The following TLR3 variants were observed in gnomAD, a reference collection of about 807,000 sequenced individuals.
TLR3 encodes the protein toll like receptor 3.
A neutral mutation model predicts 66.4 loss-of-function variants in TLR3; 43 were observed. That is an observed-to-expected ratio of 0.65 (90% confidence interval 0.51 to 0.83). TLR3 has a LOEUF of 0.83. Among genes scored for constraint, TLR3 ranks in the 40% least tolerant of loss-of-function variants. The pLI is 0.00. For synonymous variants in TLR3, 397 were observed against 397.2 expected (o/e 1.00, Z 0.01); for missense variants, 982 against 1,044.6 (o/e 0.94, Z 0.83).
rs1468629950 is a variant in TLR3 at position 186,084,777 on chromosome 4, TCA to T, written c.2621_2622del (p.His874LeufsTer18). ...LCLRRGMFKS[H>X]CILNWPVQKE... ...GTTTGCGAAGAGGAATGTTTAAATC[TCA>T]CTGCATCTTGAACTGGCCAGTTCAG... On this transcript the variant is annotated frameshift_variant, in exon 5 of 5. Transcript: ENST00000296795. LOFTEE classifies it high-confidence loss of function. The T allele has an allele frequency of 1.2e-6, 2 of 1,614,118 alleles. No individual in the cohort carries two copies. The highest frequency in any genetic ancestry group is 2.2e-5 in the South Asian group (2 of 91,072).
intron 3 of TLR3, 52 bp downstream of exon 3, chr4:186,079,083 CCTAT>C: frequency 6.8e-7 from 1 of 1,467,404 alleles, no homozygotes; most frequent in Non-Finnish European, 9.4e-7. Flanking sequence ...GTGGATAGTC[CCTAT>C]CTGTGTCACA....
Position 186,076,862 on chromosome 4 carries a change from T to G in TLR3, c.243T>G (p.Asp81Glu). Residue 81 changes from aspartate to glutamate, a missense_variant, in exon 2 of 5, where the codon GAT becomes GAG. Physicochemically the swap from Asp to Glu is conservative, Grantham distance 45. Around this residue, in one of 3 missense-constraint regions of TLR3, gnomAD observed 313 missense variants for 319.0 expected, o/e 0.98. Transcript: ENST00000296795. ...GGTATAGCCAGCTAACTAGCTTGGATGTAGGATTTAACACCATCTCAAAAC... is the reference window on the plus strand; with the variant it reads ...GGTATAGCCAGCTAACTAGCTTGGAGGTAGGATTTAACACCATCTCAAAAC... Reference protein sequence around the residue: ...FTRYSQLTSLDVGFNTISKLE... With the variant: ...FTRYSQLTSLEVGFNTISKLE... The G allele has an allele frequency of 6.2e-7, 1 of 1,614,170 alleles. No homozygotes were observed.
At chr4:186,080,944 CAA>C (rs1178208654) in intron 3 of TLR3, among the ~76,000 whole-genome samples, 1 of 150,992 alleles carries the variant, frequency 6.6e-6, no homozygotes, top group Non-Finnish European at 1.5e-5. Flanking sequence ...AGGGCTAATG[CAA>C]AAAAAGAGAG....
intron 2 of TLR3, among the ~76,000 whole-genome samples, chr4:186,077,685 T>C (rs1231178248): frequency 6.6e-6 from 1 of 152,216 alleles, no homozygotes; most frequent in Non-Finnish European, 1.5e-5. Flanking sequence ...TAATGTGTAA[T>C]GATTAAATCA....
In TLR3 at chr4:186,076,790, C is replaced by T; in HGVS notation, c.171C>T (p.Asn57=). 6.2e-7 allele frequency: 1 copy of T among 1,614,116 alleles called. No homozygotes were observed. Among genetic ancestry groups the T allele is most frequent in the Non-Finnish European group, 8.5e-7 (1 of 1,180,028 alleles). ...DDLPTNITVL[N]LTHNQLRRLP... Reference sequence around the variant, plus strand: ...TACCCACAAACATAACAGTGTTGAACCTTACCCATAATCAACTCAGAAGAT... The same window carrying T: ...TACCCACAAACATAACAGTGTTGAATCTTACCCATAATCAACTCAGAAGAT... Residue 57 remains asparagine, a synonymous_variant, in exon 2 of 5, where the codon AAC becomes AAT. Transcript: ENST00000296795.
chr4:186,072,737 G>A (rs1420509677), intron 1 of TLR3, among the ~76,000 whole-genome samples: 1 of 152,158 alleles, frequency 6.6e-6, no homozygotes, highest in Non-Finnish European at 1.5e-5. Context: ...CCTCCCACCA[G>A]CCCCCACCTC....
chr4:186,079,356 A>G lies in TLR3; in HGVS notation c.633+325A>G, dbSNP rs567016785. The stretch of plus-strand genomic sequence containing the variant: ...CTCACACAAACTCTCTGACAGAGTT[A>G]TTAATTAAAGAGTACGATGGTCAAG... On this transcript the variant is annotated intron_variant, in intron 3 of 4. Coordinates refer to ENST00000296795, the MANE Select transcript of TLR3 (RefSeq NM_003265.3). Among the ~76,000 whole-genome samples the G allele has an allele frequency of 2.6e-5, 4 of 152,350 alleles. No individual in the cohort carries two copies. In the East Asian group the frequency reaches 7.7e-4, roughly 29 times the overall value.
At chr4:186,073,662 G>GA (rs1371376355) in intron 1 of TLR3, among the ~76,000 whole-genome samples, 1 of 152,140 alleles carries the variant, frequency 6.6e-6, no homozygotes, top group Non-Finnish European at 1.5e-5. Flanking sequence ...CTTTTTAGAG[G>GA]AGAGTATCTA....
At position 186,076,780 on chromosome 4, in the gene TLR3, C is replaced by G. The variant is rs751015522; in HGVS notation, c.161C>G (p.Thr54Arg). ...QVPDDLPTNI[T>R]VLNLTHNQLR... is the part of the protein sequence containing the mutation. ...CCCGATGATCTACCCACAAACATAA[C>G]AGTGTTGAACCTTACCCATAATCAA... The change falls in exon 2 of 5, where the codon ACA (threonine) becomes AGA (arginine). Residue 54 changes from threonine (T) to arginine (R), a missense_variant. By Grantham distance (71) the Thr-to-Arg change is moderately conservative. Around this residue, in one of 3 missense-constraint regions of TLR3, gnomAD observed 313 missense variants for 319.0 expected, o/e 0.98. Transcript: ENST00000296795. 7 of 1,614,060 alleles carry G rather than the reference C, an allele frequency of 4.3e-6. No homozygotes were observed. The South Asian group carries it at 6.6e-5, about 15-fold the overall frequency.
chr4:186,080,074 C>A (rs2099303169), intron 3 of TLR3, among the ~76,000 whole-genome samples: 1 of 152,136 alleles, frequency 6.6e-6, no homozygotes, highest in African/African-American at 2.4e-5. Context: ...GTCCCGCCAA[C>A]TGACTACTTT....
chr4:186,071,355 A>G (rs574360451), intron 1 of TLR3, among the ~76,000 whole-genome samples: 70 of 152,374 alleles, frequency 4.6e-4, no homozygotes, highest in African/African-American at 1.7e-3. Context: ...AGAGGGGTAC[A>G]TCTCACCTAA....
At chr4:186,069,984 T>C (rs1452792214) in intron 1 of TLR3, among the ~76,000 whole-genome samples, 1 of 152,238 alleles carries the variant, frequency 6.6e-6, no homozygotes, top group Admixed American at 6.5e-5. Context: ...AATCAAACTA[T>C]GGATAGTGGT....
At chr4:186,081,234 A>G (rs2099303384) in intron 3 of TLR3, among the ~76,000 whole-genome samples, 1 of 149,846 alleles carries the variant, frequency 6.7e-6, no homozygotes, top group East Asian at 2.0e-4. Context: ...GCACCACTGC[A>G]CTCCACCCTG....
rs5743311 is a variant in TLR3, at chr4:186,079,010, G to A, written c.612G>A (p.Leu204=). 615 of 1,613,688 alleles carry A rather than the reference G, an allele frequency of 3.8e-4. No homozygotes were observed. In the African/African-American group the frequency reaches 6.5e-3, roughly 17 times the overall value. ...FANSSLKKLE[L]SSNQIKEFSP... is the part of the protein sequence containing the mutation. ...ATTCATCTTTAAAAAAATTAGAGTT[G>A]TCATCGAATCAAATTAAAGAGGTAA... Residue 204 remains leucine (L), a synonymous_variant, in exon 3 of 5, where the codon TTG becomes TTA. Coordinates refer to ENST00000296795, the MANE Select transcript of TLR3 (RefSeq NM_003265.3).
chr4:186,072,775 T>C (rs6552948), intron 1 of TLR3, among the ~76,000 whole-genome samples: 151,019 of 152,316 alleles, frequency 0.99, 74,876 homozygotes, highest in East Asian at 1. Flanking sequence ...ATTCAACGTG[T>C]GGTGTGGGTG....
At position 186,082,837 on chromosome 4, in the gene TLR3, T is replaced by G. The variant is rs1452666496; in HGVS notation, c.1151T>G (p.Leu384Ter). 6 of 1,613,902 alleles carry G rather than the reference T, an allele frequency of 3.7e-6. No homozygotes were observed. The highest frequency in any genetic ancestry group is 5.1e-6 in the Non-Finnish European group (6 of 1,179,884). Reference protein sequence around the residue: ...MFTGLINLKYLSLSNSFTSLR... With the variant: ...MFTGLINLKY ...ACAGGATTGATAAACCTGAAATACT[T>G]AAGTCTATCCAACTCCTTTACAAGT... The change falls in exon 4 of 5, where the codon TTA becomes TGA. Residue 384 changes from leucine to a stop codon, truncating the protein, a stop_gained. Coordinates refer to ENST00000296795, the MANE Select transcript of TLR3 (RefSeq NM_003265.3). LOFTEE classifies it high-confidence loss of function.
In TLR3 at chr4:186,084,106, T is replaced by A; in HGVS notation, c.2420T>A (p.Ile807Asn). Residue 807 changes from isoleucine (I) to asparagine (N), a missense_variant, in exon 4 of 5, where the codon ATC becomes AAC. By Grantham distance (149) the Ile-to-Asn change is moderately radical (BLOSUM62 -3). Transcript: ENST00000296795. The part of the protein sequence containing the change: ...VFELEAIVNS[I>N]KRSRKIIFVI... The stretch of plus-strand genomic sequence containing the variant: ...GAACTAGAAGCAATTGTTAACAGCA[T>A]CAAAAGAAGCAGAAAAATTATTTTT... The A allele has an allele frequency of 6.2e-7, 1 of 1,614,028 alleles. No homozygotes were observed. The highest frequency in any genetic ancestry group is 8.5e-7 in the Non-Finnish European group (1 of 1,180,002).
At chr4:186,079,096 C>CAT (rs1163387174) in intron 3 of TLR3, 65 bp downstream of exon 3, 1 of 1,355,040 alleles carries the variant, frequency 7.4e-7, no homozygotes, top group Non-Finnish European at 1.0e-6. Context: ...ATCTGTGTCA[C>CAT]ATACACAGGA....
rs376119293 is a variant in TLR3, at chr4:186,076,790, C to A, written c.171C>A (p.Asn57Lys). The A allele has an allele frequency of 1.1e-5, 18 of 1,613,998 alleles. No homozygotes were observed. Among genetic ancestry groups the A allele is most frequent in the African/African-American group, 1.3e-5 (1 of 74,900 alleles). ...TACCCACAAACATAACAGTGTTGAA[C>A]CTTACCCATAATCAACTCAGAAGAT... is the stretch of plus-strand genomic sequence containing the variant. Reference protein sequence around the residue: ...DDLPTNITVLNLTHNQLRRLP... With the variant: ...DDLPTNITVLKLTHNQLRRLP... Residue 57 changes from asparagine to lysine, a missense_variant, in exon 2 of 5, where the codon AAC (asparagine) becomes AAA (lysine). By Grantham distance (94) the Asn-to-Lys change is moderately conservative. This residue lies in a region of TLR3 where 313 missense variants were observed against 319.0 expected (regional missense o/e 0.98). Transcript: ENST00000296795.
Sources: allele counts gnomAD v4.1 joint callset (sites outside exome capture counted in the v4.1 genomes callset), GRCh38; gene constraint gnomAD v4.1.1; regional missense constraint gnomAD v4.1.1; transcripts MANE v1.5; gene names NCBI Gene and HGNC (gene_info 2026-07-23, HGNC 2026-07-21).